Variants in COL24A1 observed in about 807,000 individuals in gnomAD.
COL24A1 encodes the protein collagen alpha-1(XXIV) chain.
A neutral mutation model predicts 253.9 loss-of-function variants in COL24A1; 224 were observed. The ratio of observed to expected loss-of-function variants is 0.88; its 90% CI spans 0.79 to 0.99. The LOEUF is 0.99. Among genes scored for constraint, COL24A1 ranks in the 50% least tolerant of loss-of-function variants. COL24A1 has a pLI of 0.00. For synonymous variants in COL24A1, 685 were observed against 673.7 expected, an observed-to-expected ratio of 1.02 and a Z score of -0.26; for missense variants, 2,131 against 2,068.5, an observed-to-expected ratio of 1.03 and a Z score of -0.59.
In COL24A1 at chr1:86,088,074, G is replaced by T. The variant is rs1703198936; in HGVS notation, c.1707+1100C>A. Among the ~76,000 whole-genome samples the T allele has an allele frequency of 2.0e-5, 3 of 152,158 alleles. No individual in the cohort carries two copies. The South Asian group carries it at 6.2e-4, about 32-fold the overall frequency. On this transcript the variant is annotated intron_variant, in intron 7 of 59. Transcript: ENST00000370571. Reference sequence around the variant, plus strand: ...AGCTGACGGTTTACATTTATTAAGGGCTGACAATTTATGTGACACGGTGTT... The same window carrying T: ...AGCTGACGGTTTACATTTATTAAGGTCTGACAATTTATGTGACACGGTGTT...
At chr1:85,858,743 CTTCTT>C (rs937224650) in intron 37 of COL24A1, among the ~76,000 whole-genome samples, 10 of 147,266 alleles carry the variant, frequency 6.8e-5, no homozygotes, top group East Asian at 6.0e-4. Flanking sequence ...CTTTCCTTTC[CTTCTT>C]TTCTTTTCTT....
intron 14 of COL24A1, 75 bp from the exon 15 acceptor site, chr1:86,023,082 A>C: frequency 2.8e-6 from 4 of 1,435,108 alleles, no homozygotes; most frequent in Non-Finnish European, 3.9e-6. Flanking sequence ...AGAATTAATA[A>C]ATTAATGAAC....
At chr1:85,741,374 A>G (rs143474342) in intron 57 of COL24A1, among the ~76,000 whole-genome samples, 511 of 152,272 alleles carry the variant, frequency 3.4e-3, no homozygotes, top group Middle Eastern at 0.014. Context: ...CTTTTATAGA[A>G]GATTTTTGTT....
intron 19 of COL24A1, among the ~76,000 whole-genome samples, chr1:85,997,591 T>C (rs1472742543): frequency 1.3e-5 from 2 of 152,096 alleles, no homozygotes; most frequent in African/African-American, 4.8e-5. Context: ...GAGACCATCC[T>C]GGCCAACATG....
chr1:86,097,691 T>C (rs1008832644), intron 5 of COL24A1, among the ~76,000 whole-genome samples: 3 of 149,988 alleles, frequency 2.0e-5, no homozygotes, highest in African/African-American at 7.4e-5. Flanking sequence ...TTCTTCTTCC[T>C]CTTCCTCTTC....
intron 7 of COL24A1, among the ~76,000 whole-genome samples, chr1:86,070,434 G>C (rs1286477970): frequency 2.0e-5 from 3 of 152,158 alleles, no homozygotes; most frequent in Admixed American, 2.0e-4. Context: ...GATAATATCA[G>C]AGAACTCCCC....
chr1:85,971,224 T>C (rs1166502800), intron 21 of COL24A1, 116 bp downstream of exon 21: 3 of 761,458 alleles, frequency 3.9e-6, no homozygotes, highest in Admixed American at 2.7e-5. Flanking sequence ...ATAAATAAAA[T>C]GGTAACTGGA....
intron 28 of COL24A1, among the ~76,000 whole-genome samples, chr1:85,898,381 G>GCA (rs1683963311): frequency 6.6e-6 from 1 of 152,100 alleles, no homozygotes. Flanking sequence ...ATCCTCTGAG[G>GCA]CACATTCAGG....
intron 51 of COL24A1, among the ~76,000 whole-genome samples, chr1:85,781,795 T>G (rs1669176815): frequency 6.6e-6 from 1 of 152,180 alleles, no homozygotes; most frequent in Non-Finnish European, 1.5e-5. Context: ...ATAGGGCCAT[T>G]GTGAGAATTA....
At chr1:85,758,570 A>G (rs574937550) in intron 55 of COL24A1, among the ~76,000 whole-genome samples, 81 of 152,220 alleles carry the variant, frequency 5.3e-4, no homozygotes, top group Middle Eastern at 6.8e-3. Flanking sequence ...CCATCAATAC[A>G]TATTCCTTTT....
At chr1:85,764,303 A>T (rs1470864810) in intron 53 of COL24A1, among the ~76,000 whole-genome samples, 6 of 152,140 alleles carry the variant, frequency 3.9e-5, no homozygotes, top group Non-Finnish European at 7.3e-5. Context: ...AGGAGAATTT[A>T]GTAATATTAA....
chr1:86,018,250 T>C (rs1294748547), intron 18 of COL24A1, among the ~76,000 whole-genome samples: 1 of 152,202 alleles, frequency 6.6e-6, no homozygotes, highest in Non-Finnish European at 1.5e-5. Flanking sequence ...CAGTTTCCAA[T>C]ATGCACTTAA....
At chr1:85,804,970 T>C (rs908169547) in intron 47 of COL24A1, among the ~76,000 whole-genome samples, 1 of 152,148 alleles carries the variant, frequency 6.6e-6, no homozygotes, top group Non-Finnish European at 1.5e-5. Context: ...CTTCAATCTC[T>C]TGAGTAGCTA....
intron 20 of COL24A1, among the ~76,000 whole-genome samples, chr1:85,986,464 A>G (rs1331343898): frequency 6.6e-6 from 1 of 151,842 alleles, no homozygotes; most frequent in African/African-American, 2.4e-5. Flanking sequence ...CCGTCTGATG[A>G]AGCAGAAACT....
At chr1:85,885,213 T>C (rs536340923) in intron 32 of COL24A1, among the ~76,000 whole-genome samples, 15 of 151,872 alleles carry the variant, frequency 9.9e-5, no homozygotes, top group Admixed American at 7.9e-4. Flanking sequence ...TTTATTTACT[T>C]ATTTAGAGGC....
At chr1:85,948,517 C>A (rs1234976804) in intron 24 of COL24A1, among the ~76,000 whole-genome samples, 14 of 115,730 alleles carry the variant, frequency 1.2e-4, no homozygotes, top group Admixed American at 1.0e-3. Context: ...GAGCGAGACT[C>A]CGTCTCAAAA....
chr1:85,817,735 G>A (rs1456704568), intron 46 of COL24A1, among the ~76,000 whole-genome samples: 5 of 151,902 alleles, frequency 3.3e-5, no homozygotes, highest in Non-Finnish European at 5.9e-5. Context: ...ATTTTGTTAC[G>A]ATTCTAAGTT....
chr1:86,061,183 A>T (rs1279752145), intron 8 of COL24A1, among the ~76,000 whole-genome samples: 5 of 152,024 alleles, frequency 3.3e-5, no homozygotes, highest in Admixed American at 1.3e-4. Context: ...TTGAAGTGCA[A>T]AAAACATCCA....
At chr1:85,807,012 C>A (rs1044587322) in intron 47 of COL24A1, among the ~76,000 whole-genome samples, 6 of 152,190 alleles carry the variant, frequency 3.9e-5, no homozygotes, top group Non-Finnish European at 5.9e-5. Context: ...AAGAGAAGAA[C>A]TCCAAGACAA....
Sources: gnomAD v4.1 joint callset for allele counts (sites outside exome capture counted in the v4.1 genomes callset) on GRCh38, gnomAD v4.1.1 for gene constraint, MANE v1.5 for transcripts, NCBI Gene and HGNC (gene_info 2026-07-23, HGNC 2026-07-21) for gene names.